The following HNRNPC variants were observed in gnomAD, a reference collection of about 807,000 sequenced individuals.
HNRNPC encodes heterogeneous nuclear ribonucleoprotein C.
In HNRNPC, 3 loss-of-function variants were observed where a neutral mutation model predicts 33.2. That is an observed-to-expected ratio of 0.09 (90% CI 0.04 to 0.23). HNRNPC has a LOEUF of 0.23. Ranked by LOEUF, HNRNPC falls within the 10% of genes least tolerant of loss-of-function variation. The pLI, the probability that HNRNPC is intolerant of heterozygous loss-of-function variation, is 1.00. For missense variants in HNRNPC, 143 were observed against 366.7 expected (o/e 0.39, Z 4.98); for synonymous variants, 121 against 126.7 (o/e 0.96, Z 0.30).
chr14:21,222,007 C>T (rs1892873931), intron 5 of HNRNPC, among the ~76,000 whole-genome samples: 1 of 125,004 alleles, frequency 8.0e-6, no homozygotes, highest in Non-Finnish European at 1.6e-5. Flanking sequence ...CACCACTGCA[C>T]TCCAGATTGA....
intron 1 of HNRNPC, among the ~76,000 whole-genome samples, chr14:21,266,241 T>C (rs118140701): frequency 0.15 from 23,197 of 152,110 alleles, 2,256 homozygotes; most frequent in South Asian, 0.23. Context: ...TAGCTGGGAC[T>C]ACAGGCGAGC....
At chr14:21,225,320 T>C (rs1049941322) in intron 5 of HNRNPC, among the ~76,000 whole-genome samples, 1 of 151,686 alleles carries the variant, frequency 6.6e-6, no homozygotes, top group Non-Finnish European at 1.5e-5. Flanking sequence ...CCCCAGCTAA[T>C]TGGGAGGCCG....
At chr14:21,238,385 C>T (rs188592718) in intron 2 of HNRNPC, among the ~76,000 whole-genome samples, 1 of 152,142 alleles carries the variant, frequency 6.6e-6, no homozygotes, top group African/African-American at 2.4e-5. Flanking sequence ...TAAGAACGGA[C>T]AGTACAGAAA....
intron 2 of HNRNPC, among the ~76,000 whole-genome samples, chr14:21,242,223 G>A (rs1313898749): frequency 6.6e-6 from 1 of 152,182 alleles, no homozygotes. Context: ...GGTGGCTCAC[G>A]CCTGTAATCC....
chr14:21,250,960 T>C (rs1896585442), intron 2 of HNRNPC, among the ~76,000 whole-genome samples: 1 of 152,268 alleles, frequency 6.6e-6, no homozygotes, highest in East Asian at 1.9e-4. Context: ...CCAACATTCA[T>C]TCTCAAGACT....
intron 5 of HNRNPC, among the ~76,000 whole-genome samples, chr14:21,215,308 C>G (rs376114343): frequency 2.6e-5 from 4 of 152,284 alleles, no homozygotes; most frequent in African/African-American, 9.6e-5. Flanking sequence ...CATAGTGTGA[C>G]AACCTTTAAG....
rs1299569844 is a variant in HNRNPC, at chr14:21,246,599, TAA to T, written c.-36-12372_-36-12371del. Among the ~76,000 whole-genome samples, 4 of 149,264 alleles carry T rather than the reference TAA, an allele frequency of 2.7e-5. No homozygotes were observed. In the South Asian group the frequency reaches 8.4e-4, roughly 31 times the overall value. On this transcript the variant is annotated intron_variant, in intron 2 of 8. Transcript: ENST00000553300. ...AAAAAAAAAGTCGTCTTATAACAAA[TAA>T]AAGTCTGCCAATTTCCCTTTAACAC...
intron 3 of HNRNPC, among the ~76,000 whole-genome samples, chr14:21,231,996 C>T (rs1299159610): frequency 6.6e-6 from 1 of 152,126 alleles, no homozygotes; most frequent in African/African-American, 2.4e-5. Flanking sequence ...CTGTTCTACA[C>T]GTAAAATATC....
At chr14:21,233,259 C>T (rs1894314911) in intron 3 of HNRNPC, among the ~76,000 whole-genome samples, 1 of 152,072 alleles carries the variant, frequency 6.6e-6, no homozygotes. Context: ...ATAACATTAT[C>T]AAAGAATTGT....
chr14:21,218,893 T>C (rs1469780090), intron 5 of HNRNPC, among the ~76,000 whole-genome samples: 2 of 151,704 alleles, frequency 1.3e-5, no homozygotes, highest in African/African-American at 4.8e-5. Flanking sequence ...GGGCAGATCA[T>C]GAGATCAGGA....
chr14:21,217,305 G>C (rs1396388072), intron 5 of HNRNPC, among the ~76,000 whole-genome samples: 2 of 152,106 alleles, frequency 1.3e-5, no homozygotes, highest in African/African-American at 2.4e-5. Flanking sequence ...AATGTTATTT[G>C]CAAGTACTTC....
At chr14:21,211,945 A>G in intron 6 of HNRNPC, 22 bp from the exon 7 acceptor site, 1 of 1,554,220 alleles carries the variant, frequency 6.4e-7, no homozygotes, top group Non-Finnish European at 8.9e-7. Flanking sequence ...ACAAAATACT[A>G]GATTAAAATC....
At chr14:21,254,485 A>C (rs1214691608) in intron 2 of HNRNPC, 1 of 152,198 alleles carries the variant, frequency 6.6e-6, no homozygotes, top group Non-Finnish European at 1.5e-5. Context: ...TGTATTTTCT[A>C]AAAATGTTCT....
intron 5 of HNRNPC, among the ~76,000 whole-genome samples, chr14:21,225,449 AAAC>A (rs1282039479): frequency 1.3e-5 from 2 of 151,862 alleles, no homozygotes; most frequent in African/African-American, 4.8e-5. Flanking sequence ...GGAAAAAAAA[AAAC>A]AGAGAGAGAT....
intron 2 of HNRNPC, among the ~76,000 whole-genome samples, chr14:21,253,246 G>A (rs1194111097): frequency 6.0e-5 from 9 of 150,686 alleles, no homozygotes; most frequent in Admixed American, 4.6e-4. Context: ...GGAGGCCAAG[G>A]CAGGTGAATT....
intron 2 of HNRNPC, among the ~76,000 whole-genome samples, chr14:21,255,962 G>GA (rs1877118241): frequency 6.6e-6 from 1 of 152,116 alleles, no homozygotes; most frequent in Non-Finnish European, 1.5e-5. Context: ...AAATTCCAAG[G>GA]AAAAGCCCTA....
chr14:21,240,796 A>G (rs1895249567), intron 2 of HNRNPC, among the ~76,000 whole-genome samples: 1 of 152,206 alleles, frequency 6.6e-6, no homozygotes, highest in Admixed American at 6.5e-5. Context: ...ACCTCTCCAC[A>G]TGGGTTAATC....
chr14:21,221,778 G>A (rs190522567), intron 5 of HNRNPC, among the ~76,000 whole-genome samples: 14 of 152,152 alleles, frequency 9.2e-5, no homozygotes, highest in South Asian at 2.1e-4. Context: ...GGCTGGGCAC[G>A]GTGGCTCATG....
chr14:21,257,462 G>A (rs1193085920), intron 2 of HNRNPC, among the ~76,000 whole-genome samples: 1 of 151,770 alleles, frequency 6.6e-6, no homozygotes, highest in Non-Finnish European at 1.5e-5. Context: ...GATTGAAAAA[G>A]GACCCCTGGG....
Sources: gnomAD v4.1 joint callset for allele counts (sites outside exome capture counted in the v4.1 genomes callset) on GRCh38, gnomAD v4.1.1 for gene constraint, MANE v1.5 for transcripts, NCBI Gene and HGNC (gene_info 2026-07-23, HGNC 2026-07-21) for gene names.